SPTAN1: variants seen among roughly 807,000 people sequenced by gnomAD.
SPTAN1 encodes spectrin alpha, non-erythrocytic 1.
SPTAN1 carries 61 observed loss-of-function variants against 331.3 expected under a neutral mutation model. The observed-to-expected ratio is 0.18, with a 90% CI of 0.15 to 0.23. The LOEUF (loss-of-function observed/expected upper bound fraction) is 0.23, where lower values mean the gene tolerates loss of function less well. Ranked by LOEUF, SPTAN1 falls within the 10% of genes least tolerant of loss-of-function variation. SPTAN1 has a pLI of 1.00. For synonymous variants in SPTAN1, 1,153 were observed against 1,173.9 expected, an observed-to-expected ratio of 0.98 and a Z score of 0.36; for missense variants, 2,043 against 3,147.9, an observed-to-expected ratio of 0.65 and a Z score of 8.40.
chr9:128,580,325 ATATTT>A (rs917310205), intron 10 of SPTAN1, among the ~76,000 whole-genome samples: 26 of 150,928 alleles, frequency 1.7e-4, no homozygotes, highest in African/African-American at 5.3e-4. Flanking sequence ...ATATATATAC[ATATTT>A]TATTTTACTT....
At chr9:128,558,259 T>G (rs1848886471) in intron 1 of SPTAN1, among the ~76,000 whole-genome samples, 1 of 152,248 alleles carries the variant, frequency 6.6e-6, no homozygotes, top group Admixed American at 6.5e-5. Context: ...CCCCTGAGAT[T>G]CGCATTACTT....
intron 1 of SPTAN1, among the ~76,000 whole-genome samples, chr9:128,562,632 C>G: frequency 6.6e-6 from 1 of 152,070 alleles, no homozygotes; most frequent in Admixed American, 6.6e-5. Flanking sequence ...GGGTCCTCAT[C>G]AGAAATCAGC....
intron 31 of SPTAN1, among the ~76,000 whole-genome samples, chr9:128,607,302 C>T (rs914976866): frequency 1.3e-5 from 2 of 152,058 alleles, no homozygotes; most frequent in African/African-American, 2.4e-5. Context: ...CCACGCCTGG[C>T]CAACAAAAGC....
At chr9:128,600,727 ATC>A (rs1300657499) in intron 27 of SPTAN1, among the ~76,000 whole-genome samples, 2 of 152,078 alleles carry the variant, frequency 1.3e-5, no homozygotes, top group Non-Finnish European at 2.9e-5. Flanking sequence ...CAGTGGCACA[ATC>A]TCGGCTCACT....
In SPTAN1 at chr9:128,627,949, ATTG is replaced by A; in HGVS notation, c.6707+10_6707+12del. ...GGACATACCTCCTCGATGGGTTAAT[ATTG>A]TTTTCTTCCTTCTCTGGGCTTGTCA... On this transcript the variant is annotated splice_region_variant and intron_variant, in intron 51 of 56. Coordinates refer to ENST00000372739, the MANE Select transcript of SPTAN1 (RefSeq NM_001130438.3). This position sits in a 1 kb window ranked among gnomAD's most constrained non-coding sequence, Gnocchi z 4.9. 1 of 1,613,802 alleles carries A rather than the reference ATTG, an allele frequency of 6.2e-7. No homozygotes were observed. Among genetic ancestry groups the A allele is most frequent in the South Asian group, 1.1e-5 (1 of 91,070 alleles).
intron 44 of SPTAN1, among the ~76,000 whole-genome samples, chr9:128,620,930 G>T (rs186836922): frequency 6.6e-6 from 1 of 152,244 alleles, no homozygotes; most frequent in Admixed American, 6.5e-5. Context: ...CCCTGCTGAA[G>T]CCTGTCCCAC....
chr9:128,558,373 T>C (rs1303583126), intron 1 of SPTAN1, among the ~76,000 whole-genome samples: 1 of 152,262 alleles, frequency 6.6e-6, no homozygotes, highest in Non-Finnish European at 1.5e-5. Context: ...TACCTTTTTT[T>C]TTAAGTTACC....
intron 21 of SPTAN1, 63 bp from the exon 22 acceptor site, chr9:128,591,414 C>G (rs1156820542): frequency 6.2e-7 from 1 of 1,608,302 alleles, no homozygotes; most frequent in Non-Finnish European, 8.5e-7. Flanking sequence ...ATACACGTGA[C>G]CTCCTTGGAT....
chr9:128,556,806 C>T (rs1848687780), intron 1 of SPTAN1, among the ~76,000 whole-genome samples: 1 of 152,120 alleles, frequency 6.6e-6, no homozygotes, highest in African/African-American at 2.4e-5. Context: ...TATTATTGAC[C>T]TCTCTGCTTA....
intron 1 of SPTAN1, among the ~76,000 whole-genome samples, chr9:128,562,960 G>A (rs566021791): frequency 6.4e-5 from 9 of 140,892 alleles, no homozygotes; most frequent in Admixed American, 1.4e-4. Context: ...GTGAGACTCC[G>A]TCTAAAAAAA....
In SPTAN1 at chr9:128,584,509, C is replaced by T. The variant is rs1329573763; in HGVS notation, c.2421C>T (p.Ala807=). 6.8e-6 allele frequency: 11 copies of T among 1,614,108 alleles called. No individual in the cohort carries two copies. Among genetic ancestry groups the T allele is most frequent in the Middle Eastern group, 1.7e-4 (1 of 6,028 alleles). ...GGATTCGAGAGAAAGAGCCCATTGCCGCATCTACCAACAGAGGTCAGTCTG... is the reference window on the plus strand; with the variant it reads ...GGATTCGAGAGAAAGAGCCCATTGCTGCATCTACCAACAGAGGTCAGTCTG... ...ETWIREKEPI[A]ASTNRGKDLI... The change falls in exon 17 of 57, where the codon GCC becomes GCT. Residue 807 remains alanine, a synonymous_variant. Transcript: ENST00000372739.
In SPTAN1 at chr9:128,598,944, T is replaced by C; in HGVS notation, c.3520-19T>C. Reference sequence around the variant, plus strand: ...GTATTTCTTCTAATAATAAAACTGGTTTCTCTCTCTCCTTGTAGGAAGTGT... The same window carrying C: ...GTATTTCTTCTAATAATAAAACTGGCTTCTCTCTCTCCTTGTAGGAAGTGT... On this transcript the variant is annotated intron_variant, in intron 25 of 56. Coordinates refer to ENST00000372739, the MANE Select transcript of SPTAN1 (RefSeq NM_001130438.3). The C allele has an allele frequency of 6.2e-7, 1 of 1,612,688 alleles. No homozygotes were observed.
chr9:128,633,134 T>G (rs1455939474), intron 56 of SPTAN1, 75 bp from the exon 57 acceptor site: 1 of 1,609,392 alleles, frequency 6.2e-7, no homozygotes, highest in African/African-American at 1.3e-5. Context: ...GCCCCCAGCA[T>G]CCTGAGACCT....
chr9:128,628,749 C>A (rs1221348630), intron 51 of SPTAN1: 3 of 184,348 alleles, frequency 1.6e-5, no homozygotes, highest in African/African-American at 7.0e-5. Context: ...ATAGACCCAT[C>A]CAGCCGGGCC....
intron 25 of SPTAN1, 45 bp downstream of exon 25, chr9:128,598,549 G>A: frequency 1.4e-6 from 2 of 1,425,902 alleles, no homozygotes; most frequent in Non-Finnish European, 2.0e-6. Flanking sequence ...CTGTAAGGAT[G>A]CAGCTTTGTT....
At chr9:128,589,763 G>A (rs991204548) in intron 21 of SPTAN1, among the ~76,000 whole-genome samples, 1 of 150,798 alleles carries the variant, frequency 6.6e-6, no homozygotes, top group Non-Finnish European at 1.5e-5. Flanking sequence ...TTTTAGTAGA[G>A]ACGGGGTTTC....
chr9:128,555,301 G>C (rs199833624), intron 1 of SPTAN1: 1 of 1,206,214 alleles, frequency 8.3e-7, no homozygotes, highest in Middle Eastern at 2.2e-4. Flanking sequence ...ATTTTGTTCC[G>C]TTTGCCCTTA....
In SPTAN1 at chr9:128,584,861, G is replaced by C. The variant is rs1436822688; in HGVS notation, c.2560+18G>C. 2 of 1,614,192 alleles carry C rather than the reference G, an allele frequency of 1.2e-6. No individual in the cohort carries two copies. Among genetic ancestry groups the C allele is most frequent in the Non-Finnish European group, 1.7e-6 (2 of 1,180,028 alleles). ...GGAGGAAGGTGAGTGATTGGTATCAGTGACATGGCTTGGTGCTGCTCCTCG... is the reference window on the plus strand; with the variant it reads ...GGAGGAAGGTGAGTGATTGGTATCACTGACATGGCTTGGTGCTGCTCCTCG... On this transcript the variant is annotated intron_variant, in intron 18 of 56. Coordinates refer to ENST00000372739, the MANE Select transcript of SPTAN1 (RefSeq NM_001130438.3).
At chr9:128,562,845 G>A (rs1849534035) in intron 1 of SPTAN1, among the ~76,000 whole-genome samples, 1 of 151,620 alleles carries the variant, frequency 6.6e-6, no homozygotes, top group South Asian at 2.1e-4. Context: ...GGCGCCTGTG[G>A]TCCCAGCTAC....
Sources: gnomAD v4.1 joint callset for allele counts (sites outside exome capture counted in the v4.1 genomes callset) on GRCh38, gnomAD v4.1.1 for gene constraint, Gnocchi (gnomAD v3.1) non-coding constraint, MANE v1.5 for transcripts, NCBI Gene and HGNC (gene_info 2026-07-23, HGNC 2026-07-21) for gene names.